NTM: variants seen among roughly 807,000 people sequenced by gnomAD.
NTM encodes the protein IgLON family member 2.
Under a neutral mutation model 42.1 loss-of-function variants are expected in NTM, and 13 were observed. That is an observed-to-expected ratio of 0.31 (90% CI 0.20 to 0.49). The LOEUF (loss-of-function observed/expected upper bound fraction) is 0.49, where lower values mean the gene tolerates loss of function less well. Ranked by LOEUF, NTM falls within the 20% of genes least tolerant of loss-of-function variation. The pLI is 0.99. For synonymous variants in NTM, 187 were observed against 179.2 expected, an observed-to-expected ratio of 1.04 and a Z score of -0.35; for missense variants, 373 against 452.8, an observed-to-expected ratio of 0.82 and a Z score of 1.60.
At chr11:132,103,813 G>C (rs2061925824) in intron 2 of NTM, among the ~76,000 whole-genome samples, 1 of 152,136 alleles carries the variant, frequency 6.6e-6, no homozygotes, top group Non-Finnish European at 1.5e-5. Context: ...CAGGCTGGAG[G>C]GTTAAATGAC....
intron 2 of NTM, among the ~76,000 whole-genome samples, chr11:131,961,928 A>T (rs1347566654): frequency 6.6e-6 from 1 of 152,086 alleles, no homozygotes; most frequent in Non-Finnish European, 1.5e-5. Flanking sequence ...ATGTTGCCAC[A>T]TCTAGGATGA....
intron 1 of NTM, among the ~76,000 whole-genome samples, chr11:131,789,102 G>A (rs1454373922): frequency 6.6e-6 from 1 of 151,968 alleles, no homozygotes; most frequent in Non-Finnish European, 1.5e-5. Context: ...CATCTTGACC[G>A]AATACAGGAG....
At chr11:132,334,953 G>T (rs528360463) in intron 8 of NTM, 93 bp from the exon 9 acceptor site, 4 of 1,543,616 alleles carry the variant, frequency 2.6e-6, no homozygotes, top group Non-Finnish European at 3.5e-6. Flanking sequence ...TGACTCACCA[G>T]GGGCAAGGCC....
At chr11:131,664,878 C>G (rs2068752508) in intron 1 of NTM, among the ~76,000 whole-genome samples, 1 of 149,938 alleles carries the variant, frequency 6.7e-6, no homozygotes, top group South Asian at 2.2e-4. Flanking sequence ...ATGATTGTTA[C>G]TCAGAGAAGC....
At chr11:131,416,986 C>T (rs1052717324) in intron 1 of NTM, among the ~76,000 whole-genome samples, 7 of 152,186 alleles carry the variant, frequency 4.6e-5, no homozygotes, top group African/African-American at 1.7e-4. Flanking sequence ...GGGGGAGTCA[C>T]AAAGCCTTTC....
chr11:132,266,056 G>A (rs1369131730), intron 4 of NTM, among the ~76,000 whole-genome samples: 2 of 152,196 alleles, frequency 1.3e-5, no homozygotes, highest in South Asian at 2.1e-4. Context: ...AGAGCAGGAG[G>A]GAGAGCAAGT....
intron 1 of NTM, among the ~76,000 whole-genome samples, chr11:131,714,299 T>C (rs943423950): frequency 2.6e-5 from 4 of 152,080 alleles, no homozygotes; most frequent in African/African-American, 9.7e-5. Flanking sequence ...AGCGATTCTC[T>C]GACTTTAGCC....
intron 4 of NTM, among the ~76,000 whole-genome samples, chr11:132,229,783 A>G (rs922614856): frequency 1.3e-5 from 2 of 152,178 alleles, no homozygotes; most frequent in Non-Finnish European, 2.9e-5. Context: ...TCAACCATCT[A>G]AGATAAATGG....
At chr11:131,813,081 A>T (rs1323363368) in intron 1 of NTM, among the ~76,000 whole-genome samples, 8 of 152,202 alleles carry the variant, frequency 5.3e-5, no homozygotes, top group African/African-American at 1.9e-4. Flanking sequence ...AATTGTGGTA[A>T]GGAAGTTATG....
At chr11:131,454,060 A>C (rs751748074) in intron 1 of NTM, among the ~76,000 whole-genome samples, 2 of 152,236 alleles carry the variant, frequency 1.3e-5, no homozygotes, top group Non-Finnish European at 2.9e-5. Flanking sequence ...AGCTCAGCTC[A>C]CCTGTAAAAG....
At chr11:131,410,400 C>T (rs960966839) in intron 1 of NTM, among the ~76,000 whole-genome samples, 3 of 151,330 alleles carry the variant, frequency 2.0e-5, no homozygotes, top group East Asian at 3.9e-4. Context: ...GTGGGAGGCT[C>T]ACTTGAACCC....
intron 4 of NTM, among the ~76,000 whole-genome samples, chr11:132,276,800 GTGCCTTT>G (rs963258614): frequency 1.3e-5 from 2 of 152,028 alleles, no homozygotes; most frequent in African/African-American, 4.8e-5. Context: ...GCCTCTACCT[GTGCCTTT>G]ATCCCTTACG....
intron 2 of NTM, among the ~76,000 whole-genome samples, chr11:131,963,124 A>C (rs632968): frequency 0.72 from 110,116 of 152,006 alleles, 40,155 homozygotes; most frequent in East Asian, 0.95. Flanking sequence ...GATTTTACCC[A>C]ACAAAAGACA....
intron 2 of NTM, among the ~76,000 whole-genome samples, chr11:132,051,834 CTG>C (rs2078899467): frequency 6.6e-6 from 1 of 152,182 alleles, no homozygotes; most frequent in Admixed American, 6.5e-5. Flanking sequence ...TCAGAAAAGA[CTG>C]TGGAGAATGC....
intron 1 of NTM, among the ~76,000 whole-genome samples, chr11:131,867,889 G>C (rs2047387141): frequency 6.6e-6 from 1 of 152,136 alleles, no homozygotes; most frequent in South Asian, 2.1e-4. Context: ...TTTTGCGGGA[G>C]GCCAGGCTGA....
chr11:131,419,434 G>A (rs962122755), intron 1 of NTM, among the ~76,000 whole-genome samples: 6 of 152,178 alleles, frequency 3.9e-5, no homozygotes, highest in Non-Finnish European at 7.3e-5. Flanking sequence ...CCAGAGAAGG[G>A]CTTCTGGAGA....
intron 1 of NTM, among the ~76,000 whole-genome samples, chr11:131,776,928 A>G (rs1419568559): frequency 2.6e-5 from 4 of 152,176 alleles, no homozygotes; most frequent in Non-Finnish European, 5.9e-5. Context: ...CCATTTTGCT[A>G]GAACTTAGTA....
At chr11:131,816,722 G>A (rs2092966864) in intron 1 of NTM, among the ~76,000 whole-genome samples, 1 of 152,060 alleles carries the variant, frequency 6.6e-6, no homozygotes, top group African/African-American at 2.4e-5. Flanking sequence ...GAGGCGAAGT[G>A]TTCTGTAGGT....
Position 132,321,867 on chromosome 11 carries a change from CA to C in NTM, c.934+7166del, listed in dbSNP as rs576430507. Among the ~76,000 whole-genome samples the C allele has an allele frequency of 5.1e-3, 764 of 149,208 alleles. 5 individuals are homozygous for C. Among genetic ancestry groups the C allele is most frequent in the African/African-American group, 0.018 (738 of 40,318 alleles). On this transcript the variant is annotated intron_variant, in intron 7 of 8. Transcript: ENST00000683400. ...CTACAAGCCAGAAGAGAGTGGGGGC[CA>C]ATATTCAACATTCTTAAAGAAAAGA... is the stretch of plus-strand genomic sequence containing the variant.
Sources: gnomAD v4.1 joint callset for allele counts (sites outside exome capture counted in the v4.1 genomes callset) on GRCh38, gnomAD v4.1.1 for gene constraint, MANE v1.5 for transcripts, NCBI Gene and HGNC (gene_info 2026-07-23, HGNC 2026-07-21) for gene names.